EYS: variants seen among roughly 807,000 people sequenced by gnomAD.
The protein encoded by EYS is protein eyes shut homolog.
A neutral mutation model predicts 282.1 loss-of-function variants in EYS; 250 were observed. The observed-to-expected ratio is 0.89, with a 90% CI of 0.80 to 0.98. The LOEUF is 0.98. Ranked by LOEUF, EYS falls within the 50% of genes least tolerant of loss-of-function variation. The probability of loss-of-function intolerance (pLI) is 0.00; values close to 1 mark genes in which losing one functional copy is unlikely to be tolerated. For missense variants in EYS, 4,016 were observed against 3,709.0 expected (o/e 1.08, Z -2.15); for synonymous variants, 1,355 against 1,282.9 (o/e 1.06, Z -1.20).
chr6:64,977,345 G>A (rs72875929), intron 14 of EYS, among the ~76,000 whole-genome samples: 10,258 of 151,650 alleles, frequency 0.068, 439 homozygotes, highest in East Asian at 0.13. Context: ...GTTACTTTGG[G>A]GCACTATTAA....
intron 25 of EYS, 81 bp downstream of exon 25, chr6:64,593,036 T>G: frequency 9.2e-7 from 1 of 1,090,430 alleles, no homozygotes; most frequent in Non-Finnish European, 1.2e-6. Flanking sequence ...AAAAAAAGAT[T>G]TTAATAATGC....
Position 64,234,086 on chromosome 6 carries a change from T to C in EYS, c.6192-3262A>G, listed in dbSNP as rs912742206. 3.9e-5 allele frequency among the ~76,000 whole-genome samples: 6 copies of C among 152,234 alleles called. No individual in the cohort carries two copies. In the South Asian group the frequency reaches 1.0e-3, roughly 26 times the overall value. On this transcript the variant is annotated intron_variant, in intron 30 of 42. Coordinates refer to ENST00000503581, the MANE Select transcript of EYS (RefSeq NM_001142800.2). ...AGTAGGATCATTTTTAGAATGATGA[T>C]GAAATATTAAAAAGAAACAAACGCT...
At chr6:64,926,646 TG>T (rs1359935959) in intron 15 of EYS, among the ~76,000 whole-genome samples, 1 of 152,156 alleles carries the variant, frequency 6.6e-6, no homozygotes, top group Non-Finnish European at 1.5e-5. Flanking sequence ...TTTTTCTAAG[TG>T]CCCAAAGTTT....
chr6:64,735,089 CTT>C (rs919341807), intron 22 of EYS, among the ~76,000 whole-genome samples: 2 of 151,890 alleles, frequency 1.3e-5, no homozygotes, highest in African/African-American at 4.8e-5. Flanking sequence ...AGTTTTCTGA[CTT>C]TGTTTTTTTT....
At chr6:64,231,571 T>A (rs1391843885) in intron 30 of EYS, among the ~76,000 whole-genome samples, 1 of 152,164 alleles carries the variant, frequency 6.6e-6, no homozygotes, top group Non-Finnish European at 1.5e-5. Flanking sequence ...GCCTTGTTAT[T>A]CCTCAATTCC....
At chr6:65,184,519 C>G (rs1241847160) in intron 12 of EYS, among the ~76,000 whole-genome samples, 1 of 151,568 alleles carries the variant, frequency 6.6e-6, no homozygotes, top group African/African-American at 2.4e-5. Context: ...TAGCATGATT[C>G]AAACAAATAA....
intron 13 of EYS, among the ~76,000 whole-genome samples, chr6:65,039,758 T>A (rs550467042): frequency 6.6e-6 from 1 of 151,654 alleles, no homozygotes; most frequent in Admixed American, 6.6e-5. Context: ...CTAAGTCTTA[T>A]GCTATGATGG....
In EYS at chr6:64,574,048, T is replaced by C. The variant is rs1327282862; in HGVS notation, c.5644+16175A>G. 5.9e-5 allele frequency among the ~76,000 whole-genome samples: 9 copies of C among 152,302 alleles called. No homozygotes were observed. In the East Asian group the frequency reaches 1.2e-3, roughly 20 times the overall value. The stretch of plus-strand genomic sequence containing the variant: ...ACCCAAATGCCCATCAATGATAGAC[T>C]GGACAAAGAAAATGTGGCACATATA... On this transcript the variant is annotated intron_variant, in intron 26 of 42. Transcript: ENST00000503581.
chr6:64,424,018 C>T (rs1266687973), intron 28 of EYS, among the ~76,000 whole-genome samples: 1 of 151,974 alleles, frequency 6.6e-6, no homozygotes, highest in African/African-American at 2.4e-5. Flanking sequence ...TAAATGCTAT[C>T]CTAAAATTTT....
At chr6:65,432,450 A>AC (rs1419085967) in intron 5 of EYS, among the ~76,000 whole-genome samples, 3 of 152,150 alleles carry the variant, frequency 2.0e-5, no homozygotes, top group African/African-American at 7.2e-5. Flanking sequence ...GACGAGTATT[A>AC]CGAAAAAAAT....
intron 36 of EYS, among the ~76,000 whole-genome samples, chr6:63,850,020 C>T (rs950301215): frequency 1.3e-5 from 2 of 152,104 alleles, no homozygotes; most frequent in South Asian, 2.1e-4. Flanking sequence ...ACAAGAACTT[C>T]ATGAAGCATA....
At chr6:64,910,585 C>G (rs771695096) in intron 16 of EYS, among the ~76,000 whole-genome samples, 6 of 152,028 alleles carry the variant, frequency 3.9e-5, no homozygotes, top group Non-Finnish European at 8.8e-5. Context: ...ACCTGCCACT[C>G]TAGCCAAAGC....
intron 30 of EYS, among the ~76,000 whole-genome samples, chr6:64,246,597 C>T (rs1259285806): frequency 6.6e-6 from 1 of 152,110 alleles, no homozygotes; most frequent in Non-Finnish European, 1.5e-5. Flanking sequence ...AATTGTTTTA[C>T]TATAATCATC....
intron 12 of EYS, among the ~76,000 whole-genome samples, chr6:65,266,765 T>A (rs1767763054): frequency 6.6e-6 from 1 of 151,560 alleles, no homozygotes; most frequent in South Asian, 2.1e-4. Flanking sequence ...AGAAAGAACA[T>A]ATAAAAAATT....
intron 31 of EYS, among the ~76,000 whole-genome samples, chr6:64,150,592 G>A (rs1774668473): frequency 6.6e-6 from 1 of 152,078 alleles, no homozygotes; most frequent in Non-Finnish European, 1.5e-5. Flanking sequence ...CTTAAAAAGT[G>A]AAAATTTTTA....
intron 14 of EYS, among the ~76,000 whole-genome samples, chr6:64,974,079 TCA>T (rs1204561400): frequency 6.6e-6 from 1 of 151,910 alleles, no homozygotes; most frequent in Non-Finnish European, 1.5e-5. Flanking sequence ...TTCTAAGAAT[TCA>T]CAGATTATAA....
chr6:63,855,058 G>A (rs1014174714), intron 36 of EYS, among the ~76,000 whole-genome samples: 2 of 152,226 alleles, frequency 1.3e-5, no homozygotes, highest in Non-Finnish European at 2.9e-5. Context: ...CTTGTCATGT[G>A]AGAAAGAAGA....
At chr6:65,443,313 TATAG>T (rs1768472604) in intron 5 of EYS, among the ~76,000 whole-genome samples, 1 of 114,788 alleles carries the variant, frequency 8.7e-6, no homozygotes, top group Non-Finnish European at 2.1e-5. Context: ...TGTGTACACA[TATAG>T]ACATATATGC....
chr6:63,999,641 G>A (rs923409600), intron 33 of EYS, among the ~76,000 whole-genome samples: 13 of 152,146 alleles, frequency 8.5e-5, no homozygotes, highest in African/African-American at 2.7e-4. Flanking sequence ...ATGAAAGGCT[G>A]CATACCCCTG....
Sources: allele counts gnomAD v4.1 joint callset (sites outside exome capture counted in the v4.1 genomes callset), GRCh38; gene constraint gnomAD v4.1.1; transcripts MANE v1.5; gene names NCBI Gene and HGNC (gene_info 2026-07-23, HGNC 2026-07-21).